The following ARHGEF18 variants were observed in gnomAD, a reference collection of about 807,000 sequenced individuals.
ARHGEF18 encodes rho guanine nucleotide exchange factor 18.
A neutral mutation model predicts 155.7 loss-of-function variants in ARHGEF18; 93 were observed. The observed-to-expected ratio is 0.60, with a 90% CI of 0.50 to 0.71. ARHGEF18 has a LOEUF of 0.71. ARHGEF18 is among the 30% of genes least tolerant of loss of function. The pLI is 0.00. For synonymous variants in ARHGEF18, 742 were observed against 753.1 expected (o/e 0.99, Z 0.24); for missense variants, 1,593 against 1,816.1 (o/e 0.88, Z 2.23).
intron 12 of ARHGEF18, 38 bp from the exon 13 acceptor site, chr19:7,441,874 T>C (rs745843234): frequency 6.2e-7 from 1 of 1,613,428 alleles, no homozygotes; most frequent in Non-Finnish European, 8.5e-7. Flanking sequence ...GTGGCATGGC[T>C]CTGGGCCCCC....
intron 10 of ARHGEF18, 69 bp downstream of exon 10, chr19:7,383,272 A>G: frequency 8.1e-7 from 1 of 1,229,310 alleles, no homozygotes; most frequent in East Asian, 3.2e-5. Context: ...CCTTTCAATC[A>G]TACTCCTGGG....
rs775776659 is a variant in ARHGEF18, at chr19:7,462,105, A to G, written c.2453-47A>G. The G allele has an allele frequency of 1.2e-6, 2 of 1,611,738 alleles. No homozygotes were observed. Among genetic ancestry groups the G allele is most frequent in the South Asian group, 1.1e-5 (1 of 90,994 alleles). On this transcript the variant is annotated intron_variant, in intron 20 of 28. Transcript: ENST00000668164. The surrounding 1 kb of genome is among the most constrained non-coding windows in gnomAD (Gnocchi z 4.4). ...CAGTCCCCGGGGCTCAGATGATTCC[A>G]GGGAAGGCCGACCCGGCTGACTGCC...
At chr19:7,361,698 C>T (rs1969555849) in intron 1 of ARHGEF18, among the ~76,000 whole-genome samples, 1 of 152,000 alleles carries the variant, frequency 6.6e-6, no homozygotes, top group African/African-American at 2.4e-5. Flanking sequence ...AGCCCTAAAA[C>T]AAATAAAGCA....
At chr19:7,391,758 A>ACC (rs1971412425) in intron 10 of ARHGEF18, among the ~76,000 whole-genome samples, 1 of 152,004 alleles carries the variant, frequency 6.6e-6, no homozygotes. Context: ...CAGGGGAGCC[A>ACC]CTGGCATCTA....
intron 1 of ARHGEF18, among the ~76,000 whole-genome samples, chr19:7,350,709 A>C (rs1156441794): frequency 6.6e-6 from 1 of 151,210 alleles, no homozygotes; most frequent in Non-Finnish European, 1.5e-5. Context: ...CAAATGACTT[A>C]ACTGCTCTGA....
At chr19:7,450,691 G>GCTTT (rs1975354232) in intron 15 of ARHGEF18, among the ~76,000 whole-genome samples, 3 of 152,270 alleles carry the variant, frequency 2.0e-5, no homozygotes, top group African/African-American at 4.8e-5. Flanking sequence ...GCGGGATCTT[G>GCTTT]CTGTCCGTTT....
chr19:7,367,994 A>AGAGAGAGAGAGAGAGG (rs1970010076), intron 2 of ARHGEF18, among the ~76,000 whole-genome samples: 1 of 75,508 alleles, frequency 1.3e-5, no homozygotes, highest in South Asian at 4.6e-4. Context: ...AGAGAGAGAG[A>AGAGAGAGAGAGAGAGG]GAGAGAGGGA....
rs1600550935 is a variant in ARHGEF18 at position 7,467,591 on chromosome 19, C to T, written c.3387C>T (p.Ala1129=). 2.0e-6 allele frequency: 3 copies of T among 1,506,130 alleles called. No individual in the cohort carries two copies. Among genetic ancestry groups the T allele is most frequent in the East Asian group, 2.6e-5 (1 of 38,076 alleles). The allele number at this position is 1,506,130 out of a possible 1,614,324, so 93.3% of individuals were successfully genotyped here. The change falls in exon 26 of 29, where the codon GCC becomes GCT. Residue 1129 remains alanine (A), a synonymous_variant. Coordinates refer to ENST00000668164, the MANE Select transcript of ARHGEF18 (RefSeq NM_001367823.1). The part of the protein sequence containing the change: ...DLERLREAQR[A]VERERERLEL... Reference sequence around the variant, plus strand: ...AGCGGCTGCGCGAGGCCCAGCGTGCCGTGGAGCGCGAGCGGGAGCGCCTGG... The same window carrying T: ...AGCGGCTGCGCGAGGCCCAGCGTGCTGTGGAGCGCGAGCGGGAGCGCCTGG...
chr19:7,416,313 G>C (rs1223801395), intron 10 of ARHGEF18, among the ~76,000 whole-genome samples: 1 of 152,040 alleles, frequency 6.6e-6, no homozygotes, highest in African/African-American at 2.4e-5. Context: ...GGCTGAGGCA[G>C]GAGGATCCCT....
rs369247436 is a variant in ARHGEF18, at chr19:7,440,550, C to A, written c.1106+68C>A. Reference sequence around the variant, plus strand: ...TTCCCCGGGGAGCTGTTGACAGCCTCTTCGGAGGGAGACCCCGACTTAGAT... The same window carrying A: ...TTCCCCGGGGAGCTGTTGACAGCCTATTCGGAGGGAGACCCCGACTTAGAT... On this transcript the variant is annotated intron_variant, in intron 11 of 28. Coordinates refer to ENST00000668164, the MANE Select transcript of ARHGEF18 (RefSeq NM_001367823.1). This position sits in a 1 kb window ranked among gnomAD's most constrained non-coding sequence, Gnocchi z 5.4. 15 of 1,517,162 alleles carry A rather than the reference C, an allele frequency of 9.9e-6. No individual in the cohort carries two copies. The highest frequency in any genetic ancestry group is 4.1e-5 in the African/African-American group (3 of 73,108). 94.0% of individuals were successfully genotyped at this position (1,517,162 alleles called of 1,614,324 possible).
At chr19:7,456,486 G>T (rs973454847) in intron 18 of ARHGEF18, 83 bp downstream of exon 18, 18 of 1,282,818 alleles carry the variant, frequency 1.4e-5, no homozygotes, top group Non-Finnish European at 1.9e-5. Flanking sequence ...GGAGGCCGAG[G>T]TGGGCAGATC....
intron 10 of ARHGEF18, among the ~76,000 whole-genome samples, chr19:7,398,547 T>C (rs1212743804): frequency 1.3e-5 from 2 of 151,406 alleles, no homozygotes; most frequent in Non-Finnish European, 2.9e-5. Flanking sequence ...AAAAATTAGC[T>C]GGGCGTGGTG....
intron 3 of ARHGEF18, 138 bp downstream of exon 3, chr19:7,373,209 A>C: frequency 9.1e-7 from 1 of 1,093,322 alleles, no homozygotes; most frequent in Non-Finnish European, 1.2e-6. Flanking sequence ...ACCAGGGACC[A>C]GTTTCATGGA....
intron 17 of ARHGEF18, among the ~76,000 whole-genome samples, chr19:7,455,988 C>T (rs879343955): frequency 6.6e-5 from 10 of 152,206 alleles, no homozygotes; most frequent in Admixed American, 5.2e-4. Flanking sequence ...TGGGTGGGGA[C>T]GCAGCCAAAC....
rs1322979705 is a variant in ARHGEF18 at position 7,362,146 on chromosome 19, AAGG to A, written c.-110-632_-110-630del. ...GAAGGAGAAGGAGAAGGAGAAGGAG[AAGG>A]AGAAGGAGGAGAAGAAGGAGAAGAA... On this transcript the variant is annotated intron_variant, in intron 1 of 28. Transcript: ENST00000668164. Among the ~76,000 whole-genome samples the A allele has an allele frequency of 4.9e-5, 2 of 41,142 alleles. 1 individual carries two copies. The highest frequency in any genetic ancestry group is 3.6e-4 in the African/African-American group (2 of 5,558). 27.0% of individuals were successfully genotyped at this position (41,142 alleles called of 152,430 possible). A position where few individuals can be genotyped will look rare whatever the true frequency, so the allele number is the denominator to read the frequency against.
intron 10 of ARHGEF18, among the ~76,000 whole-genome samples, chr19:7,399,475 T>C (rs931069292): frequency 1.3e-5 from 2 of 151,640 alleles, no homozygotes; most frequent in African/African-American, 4.8e-5. Flanking sequence ...ACACTAATGT[T>C]TTTTTTTCCT....
rs373656804 is a variant in ARHGEF18, at chr19:7,467,301, C to T, written c.3097C>T (p.Arg1033Cys). The T allele has an allele frequency of 1.9e-6, 3 of 1,542,762 alleles. No individual in the cohort carries two copies. Among genetic ancestry groups the T allele is most frequent in the South Asian group, 1.2e-5 (1 of 84,764 alleles). ...GAAGCAGTTCCGGCTGCAGTCGACG[C>T]GTGGGAACCTGCTGCTGGAGCAGGA... ...REKQFRLQSTRGNLLLEQERQ... is the reference protein window; with the variant it reads ...REKQFRLQSTCGNLLLEQERQ... Residue 1033 changes from arginine (R) to cysteine (C), a missense_variant, in exon 26 of 29, where the codon CGT becomes TGT. Physicochemically the swap from Arg to Cys is radical, Grantham distance 180 (BLOSUM62 -3). Transcript: ENST00000668164.
chr19:7,390,120 C>G (rs1018674684), intron 10 of ARHGEF18, among the ~76,000 whole-genome samples: 1 of 152,048 alleles, frequency 6.6e-6, no homozygotes, highest in Non-Finnish European at 1.5e-5. Flanking sequence ...TGCTTGAGCC[C>G]AGGTGTTCAA....
intron 10 of ARHGEF18, among the ~76,000 whole-genome samples, chr19:7,437,620 C>T (rs1363686094): frequency 1.4e-5 from 2 of 140,634 alleles, no homozygotes; most frequent in Non-Finnish European, 3.1e-5. Flanking sequence ...GCCAGGAGGC[C>T]ACAGGACAGA....
Sources: gnomAD v4.1 joint callset for allele counts (sites outside exome capture counted in the v4.1 genomes callset) on GRCh38, gnomAD v4.1.1 for gene constraint, Gnocchi (gnomAD v3.1) non-coding constraint, MANE v1.5 for transcripts, NCBI Gene and HGNC (gene_info 2026-07-23, HGNC 2026-07-21) for gene names.